The following HK3 variants were observed in gnomAD, a reference collection of about 807,000 sequenced individuals.
HK3 encodes the protein hexokinase-3.
In HK3, 93 loss-of-function variants were observed where a neutral mutation model predicts 91.0. The observed-to-expected ratio is 1.02, with a 90% CI of 0.86 to 1.21. The LOEUF is 1.21. Ranked by LOEUF, HK3 falls within the 50% of genes most tolerant of loss-of-function variation. The probability of loss-of-function intolerance (pLI) is 0.00; values close to 1 mark genes in which losing one functional copy is unlikely to be tolerated. For synonymous variants in HK3, 519 were observed against 516.9 expected, an observed-to-expected ratio of 1.00 and a Z score of -0.06; for missense variants, 1,235 against 1,247.4, an observed-to-expected ratio of 0.99 and a Z score of 0.15.
chr5:176,894,406 G>C lies in HK3; in HGVS notation c.96+1658C>G, dbSNP rs73341834. On this transcript the variant is annotated intron_variant, in intron 2 of 18. Transcript: ENST00000292432. ...GCCGAAAGGGATTCTTTCAACCGCA[G>C]GTGTATGTGATGGAGCCAGCAGGGC... Among the ~76,000 whole-genome samples the C allele has an allele frequency of 9.3e-3, 1,424 of 152,330 alleles. 24 individuals are homozygous for C. The highest frequency in any genetic ancestry group is 0.032 in the African/African-American group (1,334 of 41,566).
chr5:176,897,239 T>C (rs1042006992), intron 1 of HK3, among the ~76,000 whole-genome samples: 10 of 152,210 alleles, frequency 6.6e-5, no homozygotes, highest in African/African-American at 2.4e-4. Context: ...AAGGAGTTAG[T>C]GGTCCTTTGC....
In HK3 at chr5:176,884,019, C is replaced by T. The variant is rs1320568807; in HGVS notation, c.1953+20G>A. 3 of 1,611,760 alleles carry T rather than the reference C, an allele frequency of 1.9e-6. No individual in the cohort carries two copies. In the South Asian group the frequency reaches 3.3e-5, roughly 18 times the overall value. ...CAAGGCCTGCCACAGCCCCAAAGCACCCCTAGAACAGGCTCCTACCTGTCT... is the reference window on the plus strand; with the variant it reads ...CAAGGCCTGCCACAGCCCCAAAGCATCCCTAGAACAGGCTCCTACCTGTCT... On this transcript the variant is annotated intron_variant, in intron 14 of 18. Transcript: ENST00000292432. This position sits in a 1 kb window ranked among gnomAD's most constrained non-coding sequence, Gnocchi z 4.1.
At chr5:176,889,965 T>G (rs1268659789) in intron 6 of HK3, among the ~76,000 whole-genome samples, 1 of 151,882 alleles carries the variant, frequency 6.6e-6, no homozygotes, top group Non-Finnish European at 1.5e-5. Context: ...AACCCCCAAC[T>G]TGCGCCCCCA....
rs148446261 is a variant in HK3, at chr5:176,887,542, C to T, written c.1509G>A (p.Gln503=). The T allele has an allele frequency of 8.1e-6, 13 of 1,613,778 alleles. No homozygotes were observed. The African/African-American group carries it at 1.6e-4, about 20-fold the overall frequency. The change falls in exon 11 of 19, where the codon CAG becomes CAA. Residue 503 remains glutamine (Q), a synonymous_variant. Transcript: ENST00000292432. The surrounding 1 kb of genome is among the most constrained non-coding windows in gnomAD (Gnocchi z 4.9). ...GCCCCTTGGCCATGGCCTTCCGCAT[C>T]TGTGCCTGAACCGCAGCCAGTTGAT... is the stretch of plus-strand genomic sequence containing the variant. ...NHDQLAAVQA[Q]MRKAMAKGLR...
chr5:176,889,449 C>G lies in HK3; in HGVS notation c.846G>C (p.Ala282=). The part of the protein sequence containing the change: ...VEWGSFSDDG[A]LGPVLTTFDH... ...CGAAGGTGGTCAGCACTGGTCCCAG[C>G]GCCCCATCATCGCTGAAGGAGCCCC... The change falls in exon 8 of 19, where the codon GCG becomes GCC. Residue 282 remains alanine, a synonymous_variant. Coordinates refer to ENST00000292432, the MANE Select transcript of HK3 (RefSeq NM_002115.3). The G allele has an allele frequency of 6.2e-7, 1 of 1,614,184 alleles. No individual in the cohort carries two copies. The highest frequency in any genetic ancestry group is 8.5e-7 in the Non-Finnish European group (1 of 1,180,030).
intron 1 of HK3, among the ~76,000 whole-genome samples, chr5:176,898,645 T>C (rs1758965203): frequency 6.6e-6 from 1 of 152,238 alleles, no homozygotes; most frequent in Non-Finnish European, 1.5e-5. Context: ...GGTAAATGTA[T>C]TCAGCTCTGT....
In HK3 at chr5:176,888,570, A is replaced by G; in HGVS notation, c.1071-5T>C. 1.3e-6 allele frequency: 2 copies of G among 1,575,700 alleles called. No homozygotes were observed. Among genetic ancestry groups the G allele is most frequent in the Non-Finnish European group, 1.7e-6 (2 of 1,159,144 alleles). On this transcript the variant is annotated splice_region_variant and splice_polypyrimidine_tract_variant and intron_variant, in intron 9 of 18. Transcript: ENST00000292432. Reference sequence around the variant, plus strand: ...CGGGCTGCCCCAGTAGAGGGGCTGGAGGGGAAAGGGAAGTGGTTTGGGGCT... The same window carrying G: ...CGGGCTGCCCCAGTAGAGGGGCTGGGGGGGAAAGGGAAGTGGTTTGGGGCT...
rs754765379 is a variant in HK3 at position 176,883,792 on chromosome 5, A to G, written c.2031T>C (p.Arg677=). ...CACCGACAATGAGGCCTATCTCGCA[A>G]CGGGGGTCCTCATAGCCACAGGACA... ...TMMSCGYEDP[R]CEIGLIVGTG... Residue 677 remains arginine (R), a synonymous_variant, in exon 15 of 19, where the codon CGT becomes CGC. Coordinates refer to ENST00000292432, the MANE Select transcript of HK3 (RefSeq NM_002115.3). 25 of 1,613,894 alleles carry G rather than the reference A, an allele frequency of 1.5e-5. No individual in the cohort carries two copies. Among genetic ancestry groups the G allele is most frequent in the Admixed American group, 8.3e-5 (5 of 60,004 alleles).
Position 176,887,184 on chromosome 5 carries a change from G to T in HK3, c.1737+17C>A. ...GCCCTTCCCCACCTCTGACATCAAG[G>T]TTCAGGCTGTGGGTACCTGCTGCCC... On this transcript the variant is annotated intron_variant, in intron 12 of 18. Coordinates refer to ENST00000292432, the MANE Select transcript of HK3 (RefSeq NM_002115.3). This position sits in a 1 kb window ranked among gnomAD's most constrained non-coding sequence, Gnocchi z 4.9. 1 of 1,614,154 alleles carries T rather than the reference G, an allele frequency of 6.2e-7. No individual in the cohort carries two copies. Among genetic ancestry groups the T allele is most frequent in the Non-Finnish European group, 8.5e-7 (1 of 1,180,034 alleles).
Position 176,896,067 on chromosome 5 carries a change from C to T in HK3, c.93G>A (p.Glu31=), listed in dbSNP as rs888541931. 9 of 1,613,534 alleles carry T rather than the reference C, an allele frequency of 5.6e-6. No individual in the cohort carries two copies. The East Asian group carries it at 1.8e-4, about 32-fold the overall frequency. ...AGGAACCCAGTGCTGAACTTACCAG[C>T]TCTGAGCTGTCTGAGGGCCCGGGCA... ...EGLPGPSDSS[E]LVQECLQQFK... The change falls in exon 2 of 19, where the codon GAG becomes GAA. Residue 31 remains glutamate (E), a synonymous_variant. Coordinates refer to ENST00000292432, the MANE Select transcript of HK3 (RefSeq NM_002115.3).
intron 10 of HK3, 34 bp downstream of exon 10, chr5:176,888,298 C>T (rs4976662): frequency 0.34 from 512,052 of 1,514,814 alleles, 89,761 homozygotes; most frequent in Admixed American, 0.5. Context: ...CGTGTTCATG[C>T]CAACTAATCA....
intron 17 of HK3, 23 bp from the exon 18 acceptor site, chr5:176,881,558 G>T (rs1179629756): frequency 1.9e-6 from 3 of 1,593,042 alleles, no homozygotes; most frequent in Non-Finnish European, 2.6e-6. Flanking sequence ...AAGGAAGAGA[G>T]CACAGGGAGG....
chr5:176,891,454 G>T lies in HK3; in HGVS notation c.193C>A (p.Gln65Lys). 1.9e-6 allele frequency: 3 copies of T among 1,614,142 alleles called. No homozygotes were observed. Among genetic ancestry groups the T allele is most frequent in the Non-Finnish European group, 2.5e-6 (3 of 1,179,998 alleles). The change falls in exon 3 of 19, where the codon CAG (glutamine) becomes AAG (lysine). Residue 65 changes from glutamine (Q) to lysine (K), a missense_variant. Physicochemically the swap from Gln to Lys is moderately conservative, Grantham distance 53 (BLOSUM62 1). Around this residue, in one of 3 missense-constraint regions of HK3, gnomAD observed 717 missense variants for 751.6 expected, o/e 0.95. Transcript: ENST00000292432. ...LGSMEQALRG[Q>K]ASPAPAVRML... The stretch of plus-strand genomic sequence containing the variant: ...CGGACCGCAGGGGCAGGGCTGGCCT[G>T]TCCCCTCAGCGCCTGCTCCATGGAA...
intron 13 of HK3, among the ~76,000 whole-genome samples, chr5:176,886,596 G>T: frequency 1.3e-5 from 2 of 151,994 alleles, no homozygotes; most frequent in East Asian, 3.9e-4. Context: ...CCCTAGTCAT[G>T]CACCCAACAC....
chr5:176,894,839 C>T (rs1437772676), intron 2 of HK3, among the ~76,000 whole-genome samples: 15 of 147,920 alleles, frequency 1.0e-4, no homozygotes, highest in African/African-American at 2.3e-4. Context: ...TGCAGTGGTA[C>T]GATCTTGGCT....
rs763793130 is a variant in HK3, at chr5:176,887,335, G to A, written c.1603C>T (p.Arg535Ter). ...AGGTCCAGGGCCAGGAAATCCCCTCGCTCTGTGGGGGCAGAGACCCTCAGT... is the reference window on the plus strand; with the variant it reads ...AGGTCCAGGGCCAGGAAATCCCCTCACTCTGTGGGGGCAGAGACCCTCAGT... Reference protein sequence around the residue: ...FVRATPDGSERGDFLALDLGG... With the variant: ...FVRATPDGSE The change falls in exon 12 of 19, where the codon CGA (arginine) becomes TGA (stop). Residue 535 changes from arginine (R) to a stop codon, truncating the protein, a stop_gained and splice_region_variant. Transcript: ENST00000292432. LOFTEE classifies it high-confidence loss of function. The surrounding 1 kb of genome is among the most constrained non-coding windows in gnomAD (Gnocchi z 4.9). 15 of 1,613,788 alleles carry A rather than the reference G, an allele frequency of 9.3e-6. No homozygotes were observed. The highest frequency in any genetic ancestry group is 2.2e-5 in the East Asian group (1 of 44,894).
Position 176,887,500 on chromosome 5 carries a change from G to A in HK3, c.1551C>T (p.Ser517=). 6.2e-7 allele frequency: 1 copy of A among 1,613,794 alleles called. No individual in the cohort carries two copies. The highest frequency in any genetic ancestry group is 8.5e-7 in the Non-Finnish European group (1 of 1,179,948). Residue 517 remains serine, a synonymous_variant, in exon 11 of 19, where the codon TCC becomes TCT. Transcript: ENST00000292432. The surrounding 1 kb of genome is among the most constrained non-coding windows in gnomAD (Gnocchi z 4.9). The part of the protein sequence containing the change: ...AMAKGLRGEA[S]SLRMLPTFVR... ...CGAAAGTGGGCAGCATGCGAAGGGA[G>A]GAGGCCTCCCCTCGGAGCCCCTTGG...
chr5:176,883,022 C>T (rs544079671), intron 15 of HK3, among the ~76,000 whole-genome samples: 1 of 152,316 alleles, frequency 6.6e-6, no homozygotes, highest in African/African-American at 2.4e-5. Flanking sequence ...AGAGCCAAAT[C>T]CTTTCTTTCA....
intron 13 of HK3, among the ~76,000 whole-genome samples, chr5:176,885,833 G>A (rs1377297219): frequency 2.6e-5 from 4 of 151,926 alleles, no homozygotes; most frequent in Admixed American, 1.3e-4. Context: ...ATCTTACAAG[G>A]AATAATCAAA....
Sources: allele counts gnomAD v4.1 joint callset (sites outside exome capture counted in the v4.1 genomes callset), GRCh38; gene constraint gnomAD v4.1.1; regional missense constraint gnomAD v4.1.1; non-coding constraint Gnocchi (gnomAD v3.1); transcripts MANE v1.5; gene names NCBI Gene and HGNC (gene_info 2026-07-23, HGNC 2026-07-21).